Variants in NRG3 observed in about 807,000 individuals in gnomAD.
The protein encoded by NRG3 is neuregulin 3.
In NRG3, 31 loss-of-function variants were observed where a neutral mutation model predicts 66.9. The ratio of observed to expected loss-of-function variants is 0.46; its 90% CI spans 0.35 to 0.63. NRG3 has a LOEUF of 0.63. NRG3 is among the 20% of genes least tolerant of loss of function. NRG3 has a pLI of 0.00. For missense variants in NRG3, 910 were observed against 878.9 expected (o/e 1.04, Z -0.45); for synonymous variants, 393 against 359.4 (o/e 1.09, Z -1.06).
intron 1 of NRG3, among the ~76,000 whole-genome samples, chr10:82,079,778 A>C (rs962884633): frequency 6.6e-6 from 1 of 152,006 alleles, no homozygotes; most frequent in African/African-American, 2.4e-5. Context: ...AATTTCCTTC[A>C]TATCTTTTCA....
chr10:82,215,986 G>A lies in NRG3; in HGVS notation c.824-142753G>A, dbSNP rs1185710129. On this transcript the variant is annotated intron_variant, in intron 1 of 8. Coordinates refer to ENST00000372141, the MANE Select transcript of NRG3 (RefSeq NM_001010848.4). ...TCCTTTTTTTTTTTTTTTTTTTTTTGAGACAGAATTTCTCTCTTTTGCCCA... is the reference window on the plus strand; with the variant it reads ...TCCTTTTTTTTTTTTTTTTTTTTTTAAGACAGAATTTCTCTCTTTTGCCCA... Among the ~76,000 whole-genome samples, 22 of 18,408 alleles carry A rather than the reference G, an allele frequency of 1.2e-3. No homozygotes were observed. In the East Asian group the frequency reaches 0.049, roughly 41 times the overall value. 12.1% of individuals were successfully genotyped at this position (18,408 alleles called of 152,430 possible).
chr10:81,877,534 T>C (rs1175321069), intron 1 of NRG3, among the ~76,000 whole-genome samples: 1 of 152,204 alleles, frequency 6.6e-6, no homozygotes, highest in Non-Finnish European at 1.5e-5. Flanking sequence ...CCCTGCCCTA[T>C]GATCTTACCC....
intron 3 of NRG3, among the ~76,000 whole-genome samples, chr10:82,847,134 C>T (rs2063343455): frequency 6.6e-6 from 1 of 152,176 alleles, no homozygotes; most frequent in South Asian, 2.1e-4. Context: ...GCTGCTCTGT[C>T]CAGCCTCCAG....
At chr10:82,157,739 T>G (rs1383394758) in intron 1 of NRG3, among the ~76,000 whole-genome samples, 2 of 33,414 alleles carry the variant, frequency 6.0e-5, no homozygotes, top group African/African-American at 2.1e-4. Context: ...ATGTTTGTGG[T>G]GTTATTGTAA....
At chr10:82,438,331 A>T (rs2090251405) in intron 2 of NRG3, among the ~76,000 whole-genome samples, 1 of 152,252 alleles carries the variant, frequency 6.6e-6, no homozygotes, top group African/African-American at 2.4e-5. Context: ...CTCTGGCCAC[A>T]GACTGCCACA....
intron 2 of NRG3, among the ~76,000 whole-genome samples, chr10:82,416,408 A>G (rs2088577413): frequency 6.6e-6 from 1 of 152,174 alleles, no homozygotes; most frequent in South Asian, 2.1e-4. Context: ...GTCCATTTGT[A>G]TAGAGTGCCA....
chr10:82,377,331 C>G (rs2085305072), intron 2 of NRG3, among the ~76,000 whole-genome samples: 1 of 152,164 alleles, frequency 6.6e-6, no homozygotes, highest in African/African-American at 2.4e-5. Context: ...TTCACCAGAG[C>G]CTCTTAGCTT....
chr10:82,873,340 C>CTCAT (rs1167718220), intron 4 of NRG3, among the ~76,000 whole-genome samples: 2 of 152,094 alleles, frequency 1.3e-5, no homozygotes, highest in Non-Finnish European at 1.5e-5. Context: ...ATGTCTTAAC[C>CTCAT]TCATTCATTC....
intron 1 of NRG3, among the ~76,000 whole-genome samples, chr10:82,339,076 CA>C (rs2082541428): frequency 1.3e-5 from 2 of 152,126 alleles, no homozygotes; most frequent in South Asian, 4.1e-4. Context: ...GTACTTTATG[CA>C]AGAAGATTTG....
chr10:82,877,715 A>C (rs1841964827), intron 4 of NRG3, among the ~76,000 whole-genome samples: 1 of 151,980 alleles, frequency 6.6e-6, no homozygotes, highest in Non-Finnish European at 1.5e-5. Context: ...TAAACCAATT[A>C]TTGCAATTCT....
intron 1 of NRG3, among the ~76,000 whole-genome samples, chr10:82,333,190 G>C (rs1332648072): frequency 1.3e-5 from 2 of 152,190 alleles, no homozygotes; most frequent in Non-Finnish European, 2.9e-5. Context: ...CAATGGGGAA[G>C]AAAAGATGAG....
At chr10:82,982,617 TC>T (rs1207444241) in intron 8 of NRG3, among the ~76,000 whole-genome samples, 3 of 152,148 alleles carry the variant, frequency 2.0e-5, no homozygotes, top group Non-Finnish European at 4.4e-5. Context: ...AGACATTATT[TC>T]AATTAGTCCT....
chr10:82,539,732 C>T lies in NRG3; in HGVS notation c.953+180864C>T, dbSNP rs1203769415. On this transcript the variant is annotated intron_variant, in intron 2 of 8. Transcript: ENST00000372141. Reference sequence around the variant, plus strand: ...CATTGCAACCTCCACCTCCTGGGTTCAAGCAATTGTCTGCCTCAGCCTCCC... The same window carrying T: ...CATTGCAACCTCCACCTCCTGGGTTTAAGCAATTGTCTGCCTCAGCCTCCC... 2.0e-5 allele frequency among the ~76,000 whole-genome samples: 3 copies of T among 151,968 alleles called. No individual in the cohort carries two copies. The East Asian group carries it at 5.8e-4, about 29-fold the overall frequency.
chr10:82,228,698 A>C (rs1660056533), intron 1 of NRG3, among the ~76,000 whole-genome samples: 1 of 152,338 alleles, frequency 6.6e-6, no homozygotes, highest in South Asian at 2.1e-4. Context: ...ATTAATTTAA[A>C]ATAACTAGAA....
chr10:82,458,114 A>T (rs1039311981), intron 2 of NRG3, among the ~76,000 whole-genome samples: 1 of 152,094 alleles, frequency 6.6e-6, no homozygotes, highest in African/African-American at 2.4e-5. Context: ...TTTCTCCAGG[A>T]TCTTCCCTGA....
At chr10:82,617,358 C>T (rs551860085) in intron 2 of NRG3, among the ~76,000 whole-genome samples, 1 of 151,808 alleles carries the variant, frequency 6.6e-6, no homozygotes, top group South Asian at 2.1e-4. Context: ...ACACACACCA[C>T]ACACATGGCA....
chr10:81,883,333 A>G (rs1179378319), intron 1 of NRG3, among the ~76,000 whole-genome samples: 1 of 152,166 alleles, frequency 6.6e-6, no homozygotes, highest in African/African-American at 2.4e-5. Flanking sequence ...ATTATATCTT[A>G]AAGTATTACT....
chr10:82,346,541 C>T (rs1004054726), intron 1 of NRG3, among the ~76,000 whole-genome samples: 1 of 152,090 alleles, frequency 6.6e-6, no homozygotes, highest in Admixed American at 6.6e-5. Context: ...TTGGTTGAGT[C>T]TCTGCCCAGC....
intron 3 of NRG3, among the ~76,000 whole-genome samples, chr10:82,831,908 C>T (rs342376): frequency 6.6e-6 from 1 of 151,958 alleles, no homozygotes; most frequent in Admixed American, 6.6e-5. Context: ...ACCCACCCCC[C>T]CAACTACCTA....
Sources: allele counts gnomAD v4.1 joint callset (sites outside exome capture counted in the v4.1 genomes callset), GRCh38; gene constraint gnomAD v4.1.1; transcripts MANE v1.5; gene names NCBI Gene and HGNC (gene_info 2026-07-23, HGNC 2026-07-21).